The following ATM variants were observed in gnomAD, a reference collection of about 807,000 sequenced individuals.
ATM encodes ATM serine/threonine kinase, also known as serine-protein kinase ATM.
In ATM, 308 loss-of-function variants were observed where a neutral mutation model predicts 387.0. The ratio of observed to expected loss-of-function variants is 0.80; its 90% CI spans 0.73 to 0.87. The LOEUF (loss-of-function observed/expected upper bound fraction) is 0.87, where lower values mean the gene tolerates loss of function less well. Among genes scored for constraint, ATM ranks in the 40% least tolerant of loss-of-function variants. The probability of loss-of-function intolerance (pLI) is 0.00; values close to 1 mark genes in which losing one functional copy is unlikely to be tolerated. For synonymous variants in ATM, 1,156 were observed against 1,187.3 expected (o/e 0.97, Z 0.54); for missense variants, 3,312 against 3,560.9 (o/e 0.93, Z 1.78).
intron 46 of ATM, 93 bp downstream of exon 46, chr11:108,325,637 A>G (rs1473509713): frequency 1.9e-5 from 21 of 1,080,828 alleles, no homozygotes; most frequent in Non-Finnish European, 1.4e-6. Context: ...AAATGTCATT[A>G]AGAGATAGAG....
At chr11:108,344,763 G>A (rs1203332067) in intron 57 of ATM, among the ~76,000 whole-genome samples, 1 of 152,092 alleles carries the variant, frequency 6.6e-6, no homozygotes, top group Non-Finnish European at 1.5e-5. Flanking sequence ...CAGCACTTAA[G>A]GATACCAAGG....
chr11:108,299,586 C>T lies in ATM; in HGVS notation c.5006-128C>T, dbSNP rs552615986. 2.3e-4 allele frequency: 218 copies of T among 937,312 alleles called. 1 individual carries two copies. In the African/African-American group the frequency reaches 2.3e-3, roughly 10 times the overall value. The allele number at this position is 937,312 out of a possible 1,614,324, so 58.1% of individuals were successfully genotyped here. A position where few individuals can be genotyped will look rare whatever the true frequency, so the allele number is the denominator to read the frequency against. ...TGCTGGGATTACAGTCGTGAGCCAC[C>T]GCACTCGGCCTTAAGGTTAATTCTT... On this transcript the variant is annotated intron_variant, in intron 33 of 62. Transcript: ENST00000675843.
At chr11:108,296,518 C>T (rs1017191632) in intron 32 of ATM, among the ~76,000 whole-genome samples, 1 of 152,198 alleles carries the variant, frequency 6.6e-6, no homozygotes, top group African/African-American at 2.4e-5. Flanking sequence ...TCCCAAAGTG[C>T]TGGGATTACA....
chr11:108,269,659 G>A (rs1302953528), intron 18 of ATM, among the ~76,000 whole-genome samples: 2 of 152,174 alleles, frequency 1.3e-5, no homozygotes, highest in Non-Finnish European at 2.9e-5. Context: ...CTCTGGCCTA[G>A]CGAGTAGCAA....
At chr11:108,295,301 C>A in intron 32 of ATM, 4 of 422,154 alleles carry the variant, frequency 9.5e-6, no homozygotes, top group Non-Finnish European at 1.7e-5. Flanking sequence ...TCATGTTTTT[C>A]TACTGCCTAA....
At chr11:108,321,726 T>G (rs1400907373) in intron 45 of ATM, among the ~76,000 whole-genome samples, 1 of 151,368 alleles carries the variant, frequency 6.6e-6, no homozygotes, top group Non-Finnish European at 1.5e-5. Context: ...AGGCAGAGGT[T>G]GTGGTGAGCC....
At chr11:108,252,699 A>C in intron 11 of ATM, 118 bp from the exon 12 acceptor site, 1 of 724,060 alleles carries the variant, frequency 1.4e-6, no homozygotes, top group Non-Finnish European at 2.4e-6. Flanking sequence ...AAGCAATTTT[A>C]ATCTAGGATC....
intron 45 of ATM, among the ~76,000 whole-genome samples, chr11:108,323,581 T>C (rs1029911575): frequency 6.6e-6 from 1 of 152,332 alleles, no homozygotes; most frequent in East Asian, 1.9e-4. Flanking sequence ...AAATGATAAA[T>C]GTTTGAGATC....
In ATM at chr11:108,304,667, T is replaced by C. The variant is rs3092829; in HGVS notation, c.5497-8T>C. ...AAACTATTGGGTGGATTTGTTTGTATATTCTAGGTGAAAACTGACTTTTGT... is the reference window on the plus strand; with the variant it reads ...AAACTATTGGGTGGATTTGTTTGTACATTCTAGGTGAAAACTGACTTTTGT... On this transcript the variant is annotated splice_polypyrimidine_tract_variant and splice_region_variant and intron_variant, in intron 36 of 62. Transcript: ENST00000675843. 0.028 allele frequency: 44,605 copies of C among 1,612,812 alleles called. 710 individuals are homozygous for C. The highest frequency in any genetic ancestry group is 0.032 in the Non-Finnish European group (38,195 of 1,178,950).
intron 61 of ATM, among the ~76,000 whole-genome samples, chr11:108,364,677 G>T (rs2091149178): frequency 6.6e-6 from 1 of 152,168 alleles, no homozygotes; most frequent in Non-Finnish European, 1.5e-5. Context: ...TAGGCTTGCT[G>T]GTGCTCTCCA....
chr11:108,225,452 GGGTAGTCA>G (rs1328223858), intron 1 of ATM: 1 of 152,130 alleles, frequency 6.6e-6, no homozygotes, highest in Non-Finnish European at 1.5e-5. Context: ...CTAATAAAAT[GGGTAGTCA>G]GCTCTTTTTG....
chr11:108,327,348 G>T, intron 47 of ATM: 1 of 333,126 alleles, frequency 3.0e-6, no homozygotes. Context: ...TAGGATTCTT[G>T]TGAGAATTAA....
chr11:108,319,867 A>G, intron 43 of ATM, 87 bp from the exon 44 acceptor site: 4 of 926,156 alleles, frequency 4.3e-6, no homozygotes, highest in Non-Finnish European at 6.8e-6. Flanking sequence ...TTAATTTAAA[A>G]ATTTTGTCCT....
At chr11:108,354,080 C>CACACAT (rs1358434574) in intron 60 of ATM, among the ~76,000 whole-genome samples, 200 bp downstream of exon 60, 22 of 149,936 alleles carry the variant, frequency 1.5e-4, no homozygotes, top group African/African-American at 4.2e-4. Flanking sequence ...AACACACACA[C>CACACAT]ACACACACAC....
At position 108,335,104 on chromosome 11, in the gene ATM, G is replaced by A. The variant is rs730881385; in HGVS notation, c.8146G>A (p.Val2716Ile). 6.2e-7 allele frequency: 1 copy of A among 1,614,040 alleles called. No homozygotes were observed. The highest frequency in any genetic ancestry group is 8.5e-7 in the Non-Finnish European group (1 of 1,179,958). Residue 2716 changes from valine to isoleucine, a missense_variant, in exon 55 of 63, where the codon GTT becomes ATT. Coordinates refer to ENST00000675843, the MANE Select transcript of ATM (RefSeq NM_000051.4). ...CGATGGCAAGGAGAGGAGACAGCTTGTTAAGGTGAGCCTTCCCTTCTCTGG... is the reference window on the plus strand; with the variant it reads ...CGATGGCAAGGAGAGGAGACAGCTTATTAAGGTGAGCCTTCCCTTCTCTGG... Reference protein sequence around the residue: ...GSDGKERRQLVKGRDDLRQDA... With the variant: ...GSDGKERRQLIKGRDDLRQDA...
intron 57 of ATM, among the ~76,000 whole-genome samples, chr11:108,344,642 G>A (rs2088064066): frequency 6.6e-6 from 1 of 152,078 alleles, no homozygotes; most frequent in African/African-American, 2.4e-5. Context: ...CAGTAGGAAG[G>A]GAGAATCGTG....
intron 37 of ATM, 71 bp downstream of exon 37, chr11:108,304,923 C>G (rs1565482545): frequency 1.3e-6 from 2 of 1,528,922 alleles, no homozygotes; most frequent in Non-Finnish European, 1.8e-6. Context: ...AAGATGGAAT[C>G]CCACTAAAAG....
At chr11:108,309,749 G>T (rs2083984523) in intron 38 of ATM, among the ~76,000 whole-genome samples, 1 of 152,140 alleles carries the variant, frequency 6.6e-6, no homozygotes, top group African/African-American at 2.4e-5. Context: ...TTGTGTCTTA[G>T]ATGAAACAAT....
rs988844866 is a variant in ATM at position 108,335,787 on chromosome 11, CTG to C, written c.8152-54_8152-53del. ...TGCCCTTTGCTATTCTCAGATGACT[CTG>C]TGTTTTTATAATAAAATAAACTGTA... On this transcript the variant is annotated intron_variant, in intron 55 of 62. Coordinates refer to ENST00000675843, the MANE Select transcript of ATM (RefSeq NM_000051.4). The C allele has an allele frequency of 1.4e-5, 19 of 1,400,616 alleles. No individual in the cohort carries two copies. In the African/African-American group the frequency reaches 1.7e-4, roughly 13 times the overall value. The allele number at this position is 1,400,616 out of a possible 1,614,324, so 86.8% of individuals were successfully genotyped here.
Sources: allele counts gnomAD v4.1 joint callset (sites outside exome capture counted in the v4.1 genomes callset), GRCh38; gene constraint gnomAD v4.1.1; transcripts MANE v1.5; gene names NCBI Gene and HGNC (gene_info 2026-07-23, HGNC 2026-07-21).